Variants in CADPS observed in about 807,000 individuals in gnomAD.
The protein encoded by CADPS is calcium-dependent secretion activator 1.
CADPS carries 57 observed loss-of-function variants against 167.3 expected under a neutral mutation model. The observed-to-expected ratio is 0.34, with a 90% CI of 0.28 to 0.42. The LOEUF (loss-of-function observed/expected upper bound fraction) is 0.42, where lower values mean the gene tolerates loss of function less well. Among genes scored for constraint, CADPS ranks in the 20% least tolerant of loss-of-function variants. The pLI, the probability that CADPS is intolerant of heterozygous loss-of-function variation, is 1.00. For synonymous variants in CADPS, 676 were observed against 635.3 expected (o/e 1.06, Z -0.96); for missense variants, 1,414 against 1,738.1 (o/e 0.81, Z 3.32).
intron 6 of CADPS, among the ~76,000 whole-genome samples, chr3:62,616,030 TC>T (rs374124661): frequency 6.6e-5 from 10 of 152,262 alleles, no homozygotes; most frequent in African/African-American, 2.2e-4. Flanking sequence ...GTGTTTTTTT[TC>T]CTTTGCCTAC....
intron 11 of CADPS, among the ~76,000 whole-genome samples, chr3:62,545,919 T>A (rs1336013005): frequency 6.6e-6 from 1 of 152,174 alleles, no homozygotes; most frequent in East Asian, 1.9e-4. Context: ...CGTAGCTTCC[T>A]TTTGTCTTGT....
At chr3:62,598,239 C>T (rs9826972) in intron 6 of CADPS, among the ~76,000 whole-genome samples, 133 of 152,272 alleles carry the variant, frequency 8.7e-4, no homozygotes, top group African/African-American at 3.1e-3. Flanking sequence ...GCCCCTCAAG[C>T]TGGCTCTGAT....
intron 6 of CADPS, among the ~76,000 whole-genome samples, chr3:62,634,533 G>A (rs1181290456): frequency 6.6e-6 from 1 of 152,104 alleles, no homozygotes; most frequent in African/African-American, 2.4e-5. Context: ...AGAATGATAT[G>A]CATTGCTTGT....
intron 3 of CADPS, among the ~76,000 whole-genome samples, chr3:62,673,687 C>T (rs1046856965): frequency 6.6e-6 from 1 of 152,006 alleles, no homozygotes; most frequent in African/African-American, 2.4e-5. Context: ...ATTTTCATTG[C>T]CATTCGTTTT....
At chr3:62,519,189 C>T (rs2151734028) in intron 13 of CADPS, among the ~76,000 whole-genome samples, 1 of 152,298 alleles carries the variant, frequency 6.6e-6, no homozygotes, top group South Asian at 2.1e-4. Context: ...GTTTTGACTA[C>T]TGGCTGAGCC....
intron 28 of CADPS, among the ~76,000 whole-genome samples, chr3:62,417,953 C>G (rs2050481589): frequency 1.3e-5 from 2 of 151,864 alleles, no homozygotes; most frequent in Admixed American, 6.6e-5. Flanking sequence ...TCACTAGAAC[C>G]CAGGAATTTA....
intron 24 of CADPS, chr3:62,466,697 A>G: frequency 2.4e-6 from 1 of 422,336 alleles, no homozygotes; most frequent in Non-Finnish European, 4.4e-6. Context: ...CACATGAATG[A>G]CTTAATGACC....
At chr3:62,454,506 G>A (rs1385196832) in intron 26 of CADPS, among the ~76,000 whole-genome samples, 1 of 151,996 alleles carries the variant, frequency 6.6e-6, no homozygotes, top group African/African-American at 2.4e-5. Flanking sequence ...AAAGGATTCT[G>A]TACTGTATCA....
chr3:62,589,297 T>A (rs893254184), intron 7 of CADPS, among the ~76,000 whole-genome samples: 6 of 152,152 alleles, frequency 3.9e-5, no homozygotes, highest in Non-Finnish European at 7.4e-5. Context: ...GCAGAGGGTG[T>A]CCAGCCAGCA....
At chr3:62,706,529 T>A (rs943056056) in intron 3 of CADPS, among the ~76,000 whole-genome samples, 2 of 152,072 alleles carry the variant, frequency 1.3e-5, no homozygotes, top group South Asian at 2.1e-4. Context: ...ATGTATTGTC[T>A]CCCAATACTG....
Position 62,845,748 on chromosome 3 carries a change from GA to G in CADPS, c.441+28840del, listed in dbSNP as rs2077317830. On this transcript the variant is annotated intron_variant, in intron 1 of 29. Coordinates refer to ENST00000383710, the MANE Select transcript of CADPS (RefSeq NM_003716.4). ...TTCCTGTGATATTGTTATTGTTGAA[GA>G]AACCTGGTATTTTATTTTGAACAAT... 2.0e-5 allele frequency among the ~76,000 whole-genome samples: 3 copies of G among 152,232 alleles called. 1 individual carries two copies. The South Asian group carries it at 6.2e-4, about 32-fold the overall frequency.
At chr3:62,440,041 A>G (rs1210589520) in intron 27 of CADPS, 2 of 152,102 alleles carry the variant, frequency 1.3e-5, no homozygotes, top group African/African-American at 4.8e-5. Context: ...CTGATGTTGT[A>G]TTATACACTA....
intron 1 of CADPS, among the ~76,000 whole-genome samples, chr3:62,775,998 T>A (rs904742846): frequency 2.0e-4 from 30 of 152,240 alleles, no homozygotes; most frequent in African/African-American, 6.3e-4. Flanking sequence ...CCAGCAGTCT[T>A]CCTCATCATT....
rs1179559251 is a variant in CADPS, at chr3:62,601,911, T to C, written c.1326-9163A>G. Among the ~76,000 whole-genome samples, 8 of 152,240 alleles carry C rather than the reference T, an allele frequency of 5.3e-5. No homozygotes were observed. Among genetic ancestry groups the C allele is most frequent in the South Asian group, 2.1e-4 (1 of 4,816 alleles). ...GGAGAGTGGAGCTCAGAAAAATCTA[T>C]GGGTAAAACAACCTTGTTCTCTGTG... On this transcript the variant is annotated intron_variant, in intron 6 of 29. Coordinates refer to ENST00000383710, the MANE Select transcript of CADPS (RefSeq NM_003716.4). The surrounding 1 kb of genome is among the most constrained non-coding windows in gnomAD (Gnocchi z 4.3).
At chr3:62,463,385 G>A (rs2059601395) in intron 26 of CADPS, among the ~76,000 whole-genome samples, 1 of 152,198 alleles carries the variant, frequency 6.6e-6, no homozygotes, top group African/African-American at 2.4e-5. Context: ...AGAAAGCAAT[G>A]TCTTCTACGG....
At chr3:62,622,134 T>A (rs2063291741) in intron 6 of CADPS, among the ~76,000 whole-genome samples, 1 of 152,170 alleles carries the variant, frequency 6.6e-6, no homozygotes, top group African/African-American at 2.4e-5. Context: ...CTGGGTTGGT[T>A]TGGCCCGCAG....
chr3:62,429,419 A>G (rs1284853878), intron 28 of CADPS, among the ~76,000 whole-genome samples: 5 of 152,240 alleles, frequency 3.3e-5, no homozygotes, highest in Non-Finnish European at 7.3e-5. Context: ...ACTCATTAAA[A>G]TAATTAGAGC....
intron 8 of CADPS, among the ~76,000 whole-genome samples, chr3:62,584,709 T>C (rs1270123102): frequency 2.6e-5 from 4 of 152,228 alleles, no homozygotes. Flanking sequence ...AATTTTCTAT[T>C]TTTTTCTCAT....
At chr3:62,549,681 A>C (rs1205973165) in intron 11 of CADPS, among the ~76,000 whole-genome samples, 1 of 152,112 alleles carries the variant, frequency 6.6e-6, no homozygotes, top group Non-Finnish European at 1.5e-5. Flanking sequence ...CCTAAAATAC[A>C]CTTTCCTTCA....
Sources: gnomAD v4.1 joint callset for allele counts (sites outside exome capture counted in the v4.1 genomes callset) on GRCh38, gnomAD v4.1.1 for gene constraint, Gnocchi (gnomAD v3.1) non-coding constraint, MANE v1.5 for transcripts, NCBI Gene and HGNC (gene_info 2026-07-23, HGNC 2026-07-21) for gene names.